The following C11orf65 variants were observed in gnomAD, a reference collection of about 807,000 sequenced individuals.
The protein encoded by C11orf65 is protein MFI.
Under a neutral mutation model 35.3 loss-of-function variants are expected in C11orf65, and 38 were observed. The observed-to-expected ratio is 1.08, with a 90% CI of 0.83 to 1.41. The LOEUF (loss-of-function observed/expected upper bound fraction) is 1.41, where lower values mean the gene tolerates loss of function less well. Ranked by LOEUF, C11orf65 falls within the 40% of genes most tolerant of loss-of-function variation. C11orf65 has a pLI of 0.00. For synonymous variants in C11orf65, 105 were observed against 114.4 expected (o/e 0.92, Z 0.53); for missense variants, 370 against 367.1 (o/e 1.01, Z -0.06).
In C11orf65 at chr11:108,377,034, C is replaced by T. The variant is rs1369036009; in HGVS notation, c.226+16174G>A. Among the ~76,000 whole-genome samples, 47 of 151,562 alleles carry T rather than the reference C, an allele frequency of 3.1e-4. 1 individual carries two copies. The highest frequency in any genetic ancestry group is 5.6e-4 in the Non-Finnish European group (38 of 67,908). On this transcript the variant is annotated intron_variant, in intron 2 of 3. Coordinates refer to the C11orf65 transcript ENST00000524755. ...GTCCAGGACCAGATGGATTCACAGC[C>T]GAATTCTACCAGAGGTACAAGGAGG...
chr11:108,362,966 A>G (rs2090957822), intron 2 of C11orf65, among the ~76,000 whole-genome samples: 1 of 152,002 alleles, frequency 6.6e-6, no homozygotes, highest in Non-Finnish European at 1.5e-5. Context: ...AAAAACTAAA[A>G]AAACAAACAA....
intron 2 of C11orf65, among the ~76,000 whole-genome samples, chr11:108,444,538 T>C (rs1279764742): frequency 2.0e-5 from 3 of 151,976 alleles, no homozygotes; most frequent in Non-Finnish European, 2.9e-5. Flanking sequence ...TAGACCAATA[T>C]CCCTGATGAA....
chr11:108,357,971 A>G (rs1411070796), intron 2 of C11orf65, among the ~76,000 whole-genome samples: 8 of 149,424 alleles, frequency 5.4e-5, no homozygotes, highest in Non-Finnish European at 1.0e-4. Context: ...CTGAGAGAAG[A>G]AGGCTTCAGA....
chr11:108,375,801 C>A (rs796085480), intron 2 of C11orf65, among the ~76,000 whole-genome samples: 1 of 151,716 alleles, frequency 6.6e-6, no homozygotes, highest in Admixed American at 6.6e-5. Context: ...ATCTACCAAG[C>A]AAATGGAAAA....
chr11:108,447,670 C>T (rs886390357), intron 2 of C11orf65, among the ~76,000 whole-genome samples: 1 of 151,894 alleles, frequency 6.6e-6, no homozygotes, highest in Non-Finnish European at 1.5e-5. Context: ...TAAATGCCCA[C>T]AAGAGAAAGC....
At chr11:108,468,922 G>T (rs2093561801), upstream of C11orf65, among the ~76,000 whole-genome samples, 1 of 152,036 alleles carries the variant, frequency 6.6e-6, no homozygotes, top group Non-Finnish European at 1.5e-5. Flanking sequence ...TGGACAACAT[G>T]GTGAAACCCC....
chr11:108,372,151 T>C lies in C11orf65; in HGVS notation c.226+21057A>G, dbSNP rs138879865. Among the ~76,000 whole-genome samples, 387 of 152,198 alleles carry C rather than the reference T, an allele frequency of 2.5e-3. 2 individuals are homozygous for C. The highest frequency in any genetic ancestry group is 8.1e-3 in the African/African-American group (335 of 41,494). On this transcript the variant is annotated intron_variant, in intron 2 of 3. Coordinates refer to the C11orf65 transcript ENST00000524755. ...TGTTTGAATATTTAATATAAACTTA[T>C]AACTCTTTGTAACACTAAATTTTAT...
intron 2 of C11orf65, among the ~76,000 whole-genome samples, chr11:108,375,101 G>C (rs1212651376): frequency 6.6e-6 from 1 of 152,086 alleles, no homozygotes; most frequent in Non-Finnish European, 1.5e-5. Flanking sequence ...AATCTAGCAA[G>C]GCAGGCCAAC....
At chr11:108,348,671 C>G (rs976638531) in intron 2 of C11orf65, among the ~76,000 whole-genome samples, 9 of 151,230 alleles carry the variant, frequency 6.0e-5, no homozygotes, top group African/African-American at 2.2e-4. Context: ...TGCAAAAGAA[C>G]AAAAATAATT....
rs587779857 is a variant in C11orf65, at chr11:108,326,073, A to G, written c.641-17002T>C. On this transcript the variant is annotated intron_variant, in intron 6 of 6. Coordinates refer to the C11orf65 transcript ENST00000525729. ...TTCATTTCAGCTCCCTGAAAGGGCA[A>G]TATTTCAAATTAAACAGTACAATTC... is the stretch of plus-strand genomic sequence containing the variant. 3.7e-6 allele frequency: 6 copies of G among 1,613,990 alleles called. No individual in the cohort carries two copies. Among genetic ancestry groups the G allele is most frequent in the Admixed American group, 1.7e-5 (1 of 59,996 alleles).
chr11:108,331,209 G>C, downstream of C11orf65: 3 of 1,214,602 alleles, frequency 2.5e-6, no homozygotes, highest in Non-Finnish European at 1.0e-6. Flanking sequence ...TTCTAGTTCT[G>C]AATCCAGTTT....
intron 2 of C11orf65, among the ~76,000 whole-genome samples, chr11:108,457,023 T>C (rs528948752): frequency 6.6e-6 from 1 of 152,084 alleles, no homozygotes; most frequent in Non-Finnish European, 1.5e-5. Flanking sequence ...GGTTTGAAGA[T>C]GGAGAGGAGA....
At position 108,356,540 on chromosome 11, in the gene C11orf65, T is replaced by TAA. The variant is rs374615780; in HGVS notation, c.227-21250_227-21249dup. On this transcript the variant is annotated intron_variant, in intron 2 of 3. Transcript: ENST00000524755. ...GACAAGAGCAAGACTCTGTCTGTCT[T>TAA]AAAAAAAAAAAAAAAAAAAAGCCCA... is the stretch of plus-strand genomic sequence containing the variant. Among the ~76,000 whole-genome samples, 467 of 97,744 alleles carry TAA rather than the reference T, an allele frequency of 4.8e-3. 2 individuals are homozygous for TAA. Among genetic ancestry groups the TAA allele is most frequent in the African/African-American group, 0.011 (313 of 27,424 alleles). 64.1% of individuals were successfully genotyped at this position (97,744 alleles called of 152,430 possible).
rs145337876 is a variant in C11orf65, at chr11:108,437,707, T to TAAAAAAAAAAA, written c.82-5880_82-5870dup. On this transcript the variant is annotated intron_variant, in intron 2 of 8. Coordinates refer to ENST00000393084, the MANE Select transcript of C11orf65 (RefSeq NM_152587.5). ...CCTGGTGACAGGTGAGACTCAGTCT[T>TAAAAAAAAAAA]AAAAAAAAAAAAAAAAAAAAAAAAA... is the stretch of plus-strand genomic sequence containing the variant. Among the ~76,000 whole-genome samples the TAAAAAAAAAAA allele has an allele frequency of 1.3e-3, 51 of 38,028 alleles. 2 individuals are homozygous for TAAAAAAAAAAA. Among genetic ancestry groups the TAAAAAAAAAAA allele is most frequent in the African/African-American group, 2.0e-3 (14 of 7,036 alleles). 24.9% of individuals were successfully genotyped at this position (38,028 alleles called of 152,430 possible).
intron 2 of C11orf65, chr11:108,365,382 G>T: frequency 6.2e-7 from 1 of 1,614,170 alleles, no homozygotes; most frequent in Non-Finnish European, 8.5e-7. Context: ...GACTACAAGA[G>T]AAACTGAAAG....
Position 108,383,045 on chromosome 11 carries a change from C to A in C11orf65, c.918G>T (p.Thr306=). ...VYQEPNVTRL[T]PDSTYGL The stretch of plus-strand genomic sequence containing the variant: ...TTTATAGTCCATAAGTAGAATCAGG[C>A]GTTAATCTAGTTACATTTGGTTCTT... Residue 306 remains threonine (T), a synonymous_variant, in exon 9 of 9, where the codon ACG becomes ACT. Coordinates refer to ENST00000393084, the MANE Select transcript of C11orf65 (RefSeq NM_152587.5). The A allele has an allele frequency of 6.2e-7, 1 of 1,610,464 alleles. No homozygotes were observed. Among genetic ancestry groups the A allele is most frequent in the Non-Finnish European group, 8.5e-7 (1 of 1,179,120 alleles).
At position 108,422,860 on chromosome 11, in the gene C11orf65, C is replaced by T. The variant is rs185330939; in HGVS notation, c.174+8886G>A. Among the ~76,000 whole-genome samples, 1,111 of 148,064 alleles carry T rather than the reference C, an allele frequency of 7.5e-3. 11 individuals are homozygous for T. The highest frequency in any genetic ancestry group is 0.025 in the African/African-American group (1,003 of 39,986). ...TCGCACCATGGGACTCCAGCCTGGG[C>T]GACAGAGCAAGACTCTGTCTCAAAA... On this transcript the variant is annotated intron_variant, in intron 3 of 8. Transcript: ENST00000393084.
chr11:108,332,614 TG>T (rs1565535578), intron 3 of C11orf65: 1 of 854,194 alleles, frequency 1.2e-6, no homozygotes, highest in Non-Finnish European at 1.8e-6. Flanking sequence ...ATTTCATTTA[TG>T]ACTGTTTTGT....
chr11:108,405,052 T>G (rs1047123283), intron 6 of C11orf65, among the ~76,000 whole-genome samples: 1 of 152,246 alleles, frequency 6.6e-6, no homozygotes, highest in African/African-American at 2.4e-5. Context: ...TTAGCTTGTT[T>G]ACTCATGCGG....
Sources: allele counts gnomAD v4.1 joint callset (sites outside exome capture counted in the v4.1 genomes callset), GRCh38; gene constraint gnomAD v4.1.1; transcripts MANE v1.5; gene names NCBI Gene and HGNC (gene_info 2026-07-23, HGNC 2026-07-21).